Variants in FBN2 observed in about 807,000 individuals in gnomAD.
FBN2 encodes the protein fibrillin 2.
Under a neutral mutation model 355.6 loss-of-function variants are expected in FBN2, and 105 were observed. The observed-to-expected ratio is 0.30, with a 90% CI of 0.25 to 0.35. The LOEUF is 0.35. Ranked by LOEUF, FBN2 falls within the 10% of genes least tolerant of loss-of-function variation. The pLI, the probability that FBN2 is intolerant of heterozygous loss-of-function variation, is 1.00. For synonymous variants in FBN2, 1,350 were observed against 1,301.2 expected (o/e 1.04, Z -0.81); for missense variants, 3,280 against 3,758.7 (o/e 0.87, Z 3.33).
At chr5:128,464,696 G>C (rs374418156) in intron 6 of FBN2, 28 bp downstream of exon 6, 22 of 1,605,624 alleles carry the variant, frequency 1.4e-5, no homozygotes, top group Non-Finnish European at 1.7e-5. Context: ...GGTCTGCGAT[G>C]GTGTGCACAG....
chr5:128,491,962 ATTCTCT>A (rs1755518468), intron 5 of FBN2, among the ~76,000 whole-genome samples: 1 of 152,174 alleles, frequency 6.6e-6, no homozygotes, highest in Non-Finnish European at 1.5e-5. Context: ...TGATCTATAA[ATTCTCT>A]TTAATTATTA....
intron 25 of FBN2, among the ~76,000 whole-genome samples, chr5:128,343,934 T>G (rs1385078576): frequency 1.3e-5 from 2 of 152,086 alleles, no homozygotes; most frequent in Non-Finnish European, 2.9e-5. Flanking sequence ...GAAAAGAAAT[T>G]TAAAAAATTT....
chr5:128,405,862 C>T (rs1358428677), intron 8 of FBN2, among the ~76,000 whole-genome samples: 1 of 152,158 alleles, frequency 6.6e-6, no homozygotes, highest in African/African-American at 2.4e-5. Context: ...AACCTCACTT[C>T]CTTCTCCAGG....
At chr5:128,366,664 T>C (rs1581244218) in intron 16 of FBN2, among the ~76,000 whole-genome samples, 2 of 152,076 alleles carry the variant, frequency 1.3e-5, no homozygotes, top group South Asian at 4.1e-4. Context: ...TTAATACATA[T>C]AAATGTTACT....
chr5:128,522,681 C>T (rs1756461288), intron 4 of FBN2, among the ~76,000 whole-genome samples: 1 of 151,886 alleles, frequency 6.6e-6, no homozygotes, highest in East Asian at 1.9e-4. Flanking sequence ...AAGCAAAAAC[C>T]AAAAATGGTG....
chr5:128,510,404 TC>T (rs1226616979), intron 5 of FBN2, among the ~76,000 whole-genome samples: 1 of 152,218 alleles, frequency 6.6e-6, no homozygotes, highest in Non-Finnish European at 1.5e-5. Flanking sequence ...AAAAACCCTT[TC>T]AGGCAGCAAG....
chr5:128,474,348 T>C (rs1192501379), intron 5 of FBN2, among the ~76,000 whole-genome samples: 1 of 152,178 alleles, frequency 6.6e-6, no homozygotes, highest in South Asian at 2.1e-4. Flanking sequence ...AGATGGATCA[T>C]AAGCAAGTCA....
Position 128,537,894 on chromosome 5 carries a change from C to G in FBN2, c.-291G>C, listed in dbSNP as rs922936707. 9.5e-6 allele frequency: 5 copies of G among 523,576 alleles called. No homozygotes were observed. The highest frequency in any genetic ancestry group is 2.0e-5 in the African/African-American group (1 of 49,744). The allele number at this position is 523,576 out of a possible 1,614,324, so 32.4% of individuals were successfully genotyped here. On this transcript the variant is annotated 5_prime_UTR_variant, in exon 1 of 65. Coordinates refer to ENST00000262464, the MANE Select transcript of FBN2 (RefSeq NM_001999.4). ...ACGTTGCATAACCGGCCTAAAGCCC[C>G]GAGCGACTCCAGGACCGTCAGCGGG...
At chr5:128,400,732 A>T (rs954781651) in intron 8 of FBN2, among the ~76,000 whole-genome samples, 1 of 152,196 alleles carries the variant, frequency 6.6e-6, no homozygotes, top group African/African-American at 2.4e-5. Context: ...ACAAGAAAAC[A>T]TCCTATACTT....
At chr5:128,531,833 T>A (rs1290286805) in intron 2 of FBN2, among the ~76,000 whole-genome samples, 2 of 151,718 alleles carry the variant, frequency 1.3e-5, no homozygotes, top group South Asian at 4.2e-4. Context: ...TATGTATGGA[T>A]TATTACTTTT....
At chr5:128,534,886 T>C (rs891043131) in intron 2 of FBN2, among the ~76,000 whole-genome samples, 35 of 152,230 alleles carry the variant, frequency 2.3e-4, no homozygotes, top group Non-Finnish European at 4.0e-4. Flanking sequence ...TCACATTCAT[T>C]ACATTTAGTG....
At position 128,292,511 on chromosome 5, in the gene FBN2, A is replaced by G. The variant is rs540650987; in HGVS notation, c.6167-857T>C. Among the ~76,000 whole-genome samples, 164 of 152,250 alleles carry G rather than the reference A, an allele frequency of 1.1e-3. 1 individual carries two copies. Among genetic ancestry groups the G allele is most frequent in the Non-Finnish European group, 1.9e-3 (129 of 68,026 alleles). On this transcript the variant is annotated intron_variant, in intron 48 of 64. Coordinates refer to ENST00000262464, the MANE Select transcript of FBN2 (RefSeq NM_001999.4). ...CCTAGCACGGTATCTGGCACACACA[A>G]GTTCTCAATTTATGTTGGTAGAAGT... is the stretch of plus-strand genomic sequence containing the variant.
At chr5:128,505,254 G>A (rs1755924950) in intron 5 of FBN2, among the ~76,000 whole-genome samples, 1 of 152,100 alleles carries the variant, frequency 6.6e-6, no homozygotes, top group Non-Finnish European at 1.5e-5. Flanking sequence ...TACTGATTAT[G>A]CAGACAATAA....
chr5:128,453,997 C>CCT lies in FBN2; in HGVS notation c.827-7392_827-7391insAG, dbSNP rs1554070705. Among the ~76,000 whole-genome samples the CCT allele has an allele frequency of 3.3e-5, 5 of 151,428 alleles. No homozygotes were observed. The Admixed American group carries it at 3.3e-4, about 10-fold the overall frequency. On this transcript the variant is annotated intron_variant, in intron 6 of 64. Transcript: ENST00000262464. ...AATACTCAGAAATGGCTTGCCCCCCCCCCAAGTTTCTCCTTCCATTACCCT... is the reference window on the plus strand; with the variant it reads ...AATACTCAGAAATGGCTTGCCCCCCCCTCCCAAGTTTCTCCTTCCATTACCCT...
chr5:128,353,782 A>G (rs1460638019), intron 20 of FBN2, among the ~76,000 whole-genome samples: 1 of 152,170 alleles, frequency 6.6e-6, no homozygotes, highest in Non-Finnish European at 1.5e-5. Flanking sequence ...GAGGTCAACC[A>G]ATTTACCCAA....
Position 128,263,448 on chromosome 5 carries a change from A to AG in FBN2, c.8168dup (p.Gly2724TrpfsTer17). 1 of 1,613,912 alleles carries AG rather than the reference A, an allele frequency of 6.2e-7. No homozygotes were observed. Among genetic ancestry groups the AG allele is most frequent in the Non-Finnish European group, 8.5e-7 (1 of 1,179,804 alleles). ...ACCCTTGTCCCACTCTGTAATACCC[A>AG]GGGGGGCAGCCACAGAGGTAGCCCC... is the stretch of plus-strand genomic sequence containing the variant. On this transcript the variant is annotated frameshift_variant, in exon 63 of 65. Transcript: ENST00000262464. LOFTEE classifies it high-confidence loss of function.
At chr5:128,300,581 G>A (rs2126833422) in intron 48 of FBN2, among the ~76,000 whole-genome samples, 1 of 152,318 alleles carries the variant, frequency 6.6e-6, no homozygotes, top group East Asian at 1.9e-4. Context: ...ATTAGCATAT[G>A]CTGAAAATTC....
chr5:128,301,637 C>T, intron 46 of FBN2, 127 bp from the exon 47 acceptor site: 1 of 880,332 alleles, frequency 1.1e-6, no homozygotes, highest in South Asian at 1.4e-5. Flanking sequence ...AACTCCTCAT[C>T]AACAGAGAAA....
At chr5:128,458,462 C>G (rs909879079) in intron 6 of FBN2, among the ~76,000 whole-genome samples, 1 of 151,352 alleles carries the variant, frequency 6.6e-6, no homozygotes, top group South Asian at 2.1e-4. Flanking sequence ...AGTGGACCTA[C>G]TAGATGCCTA....
Sources: gnomAD v4.1 joint callset for allele counts (sites outside exome capture counted in the v4.1 genomes callset) on GRCh38, gnomAD v4.1.1 for gene constraint, MANE v1.5 for transcripts, NCBI Gene and HGNC (gene_info 2026-07-23, HGNC 2026-07-21) for gene names.